Variants in ITSN1 observed in about 807,000 individuals in gnomAD.
The protein encoded by ITSN1 is intersectin-1.
Under a neutral mutation model 239.8 loss-of-function variants are expected in ITSN1, and 58 were observed. The ratio of observed to expected loss-of-function variants is 0.24; its 90% CI spans 0.20 to 0.30. The LOEUF (loss-of-function observed/expected upper bound fraction) is 0.30, where lower values mean the gene tolerates loss of function less well. Ranked by LOEUF, ITSN1 falls within the 10% of genes least tolerant of loss-of-function variation. The pLI is 1.00. For synonymous variants in ITSN1, 780 were observed against 770.8 expected, an observed-to-expected ratio of 1.01 and a Z score of -0.20; for missense variants, 1,558 against 2,103.3, an observed-to-expected ratio of 0.74 and a Z score of 5.07.
At chr21:33,728,601 T>C (rs1323929536) in intron 4 of ITSN1, among the ~76,000 whole-genome samples, 1 of 152,164 alleles carries the variant, frequency 6.6e-6, no homozygotes, top group Non-Finnish European at 1.5e-5. Context: ...CCTCTTCCTA[T>C]AATTCAGTTG....
Position 33,773,163 on chromosome 21 carries a change from C to T in ITSN1, c.1305+840C>T, listed in dbSNP as rs1049042527. On this transcript the variant is annotated intron_variant, in intron 12 of 39. Coordinates refer to ENST00000381318, the MANE Select transcript of ITSN1 (RefSeq NM_003024.3). Reference sequence around the variant, plus strand: ...CTGGGATTACAGGTGCCCGCCACCACGCCCAGCTAATATTTTGTATTTTTA... The same window carrying T: ...CTGGGATTACAGGTGCCCGCCACCATGCCCAGCTAATATTTTGTATTTTTA... Among the ~76,000 whole-genome samples the T allele has an allele frequency of 2.6e-4, 39 of 151,952 alleles. 1 individual carries two copies. Among genetic ancestry groups the T allele is most frequent in the Admixed American group, 2.3e-3 (35 of 15,260 alleles).
At chr21:33,792,358 C>T (rs2071207840) in intron 16 of ITSN1, among the ~76,000 whole-genome samples, 1 of 152,242 alleles carries the variant, frequency 6.6e-6, no homozygotes, top group Admixed American at 6.5e-5. Flanking sequence ...GCGCCTGCCA[C>T]CATGCCCGGC....
chr21:33,803,674 T>C (rs190307642), intron 20 of ITSN1, among the ~76,000 whole-genome samples: 4 of 152,332 alleles, frequency 2.6e-5, no homozygotes, highest in African/African-American at 7.2e-5. Flanking sequence ...AGAAGGGGCT[T>C]TCGTGTTGAA....
At chr21:33,688,734 G>C (rs1390491993) in intron 1 of ITSN1, among the ~76,000 whole-genome samples, 1 of 152,112 alleles carries the variant, frequency 6.6e-6, no homozygotes, top group East Asian at 1.9e-4. Flanking sequence ...AAAGAGGAAA[G>C]ACAGAGGGAG....
intron 4 of ITSN1, among the ~76,000 whole-genome samples, chr21:33,727,362 G>A (rs1054622730): frequency 6.6e-6 from 1 of 152,060 alleles, no homozygotes; most frequent in Non-Finnish European, 1.5e-5. Flanking sequence ...TGGAATCTGA[G>A]ACGGAGGGCC....
At chr21:33,706,398 T>G (rs746633145) in intron 1 of ITSN1, among the ~76,000 whole-genome samples, 7 of 151,906 alleles carry the variant, frequency 4.6e-5, no homozygotes, top group Non-Finnish European at 8.8e-5. Flanking sequence ...AAAATGAGAG[T>G]ATAGCTGTTA....
At chr21:33,859,754 G>A (rs1980104770) in intron 31 of ITSN1, among the ~76,000 whole-genome samples, 1 of 152,208 alleles carries the variant, frequency 6.6e-6, no homozygotes, top group African/African-American at 2.4e-5. Flanking sequence ...ATGGAGAGGA[G>A]GTGTGGAGAG....
chr21:33,694,724 CA>C (rs1225826975), intron 1 of ITSN1, among the ~76,000 whole-genome samples: 1 of 152,028 alleles, frequency 6.6e-6, no homozygotes, highest in Non-Finnish European at 1.5e-5. Context: ...GGGAGGCTGA[CA>C]GGAGAATTAC....
intron 22 of ITSN1, chr21:33,817,308 G>C (rs1417084772): frequency 7.7e-7 from 1 of 1,304,374 alleles, no homozygotes; most frequent in Admixed American, 2.3e-5. Context: ...CGGACCCCCT[G>C]CAGTGTTCCA....
intron 30 of ITSN1, 56 bp from the exon 31 acceptor site, chr21:33,858,630 G>GT: frequency 1.8e-6 from 2 of 1,099,056 alleles, no homozygotes; most frequent in Non-Finnish European, 2.8e-6. Context: ...CGGCGTGTGA[G>GT]TGTGTGAGTT....
rs112683689 is a variant in ITSN1 at position 33,879,479 on chromosome 21, C to T, written c.4342-2764C>T. 1.1e-4 allele frequency among the ~76,000 whole-genome samples: 17 copies of T among 152,218 alleles called. 2 individuals carry two copies. The highest frequency in any genetic ancestry group is 2.6e-4 in the African/African-American group (11 of 41,542). ...GCTGCAGGGCAGGCTGAGGCCCAGC[C>T]GAGGAAGGCCTGTGTATAATGCAAA... On this transcript the variant is annotated intron_variant, in intron 34 of 39. Transcript: ENST00000381318.
intron 22 of ITSN1, chr21:33,814,327 C>G: frequency 2.1e-6 from 1 of 467,674 alleles, no homozygotes; most frequent in Non-Finnish European, 3.9e-6. Flanking sequence ...GGCACTTGAG[C>G]TGCATCTTGA....
rs1422777904 is a variant in ITSN1 at position 33,882,413 on chromosome 21, C to A, written c.4512C>A (p.Val1504=). The change falls in exon 35 of 40, where the codon GTC becomes GTA. Residue 1504 remains valine (V), a synonymous_variant. Transcript: ENST00000381318. This position sits in a 1 kb window ranked among gnomAD's most constrained non-coding sequence, Gnocchi z 4.5. The part of the protein sequence containing the change: ...KPLGSSGTDK[V]FSPKSNLQYK... ...TGGGGTCTTCTGGCACCGACAAAGT[C>A]TTCAGCCCCAAATCAAACCTGCAGT... is the stretch of plus-strand genomic sequence containing the variant. 2 of 1,614,134 alleles carry A rather than the reference C, an allele frequency of 1.2e-6. No individual in the cohort carries two copies. The highest frequency in any genetic ancestry group is 3.3e-5 in the Admixed American group (2 of 60,020).
At chr21:33,725,764 C>T (rs1000036662) in intron 4 of ITSN1, among the ~76,000 whole-genome samples, 4 of 152,006 alleles carry the variant, frequency 2.6e-5, no homozygotes, top group Non-Finnish European at 4.4e-5. Flanking sequence ...TTTGTGATGG[C>T]GTATTTTACT....
intron 33 of ITSN1, among the ~76,000 whole-genome samples, chr21:33,867,772 G>C (rs1981883724): frequency 6.6e-6 from 1 of 151,710 alleles, no homozygotes; most frequent in Non-Finnish European, 1.5e-5. Flanking sequence ...TCTGGAGTTT[G>C]TTCCTTCTGA....
chr21:33,781,480 G>C lies in ITSN1; in HGVS notation c.1616G>C (p.Gly539Ala), dbSNP rs998543786. Reference protein sequence around the residue: ...QQLQESQQMLGRLIPEKQILN... With the variant: ...QQLQESQQMLARLIPEKQILN... ...TCCCAGGAATCTCAGCAAATGCTTG[G>C]AAGACTTATTCCAGAAAAACAGATA... The change falls in exon 15 of 40, where the codon GGA (glycine) becomes GCA (alanine). Residue 539 changes from glycine to alanine, a missense_variant. This residue lies in a region of ITSN1 where 982 missense variants were observed against 1,209.9 expected (regional missense o/e 0.81). Transcript: ENST00000381318. 6.3e-7 allele frequency: 1 copy of C among 1,595,348 alleles called. No individual in the cohort carries two copies. The highest frequency in any genetic ancestry group is 1.7e-5 in the Admixed American group (1 of 58,136).
intron 4 of ITSN1, among the ~76,000 whole-genome samples, chr21:33,727,895 TTC>T (rs1265369761): frequency 6.6e-6 from 1 of 152,100 alleles, no homozygotes; most frequent in Non-Finnish European, 1.5e-5. Flanking sequence ...GGGCCCACTG[TTC>T]GAGCATCTGG....
intron 29 of ITSN1, chr21:33,838,490 C>A: frequency 1.0e-6 from 1 of 977,572 alleles, no homozygotes; most frequent in Non-Finnish European, 1.2e-6. Flanking sequence ...ATTCTTCATA[C>A]AAAAGTTAGA....
intron 1 of ITSN1, among the ~76,000 whole-genome samples, chr21:33,711,649 G>GT (rs1408298361): frequency 1.0e-5 from 1 of 99,408 alleles, no homozygotes; most frequent in Non-Finnish European, 2.0e-5. Flanking sequence ...CTTTTTCTGT[G>GT]TGTTGTGTGT....
Sources: gnomAD v4.1 joint callset for allele counts (sites outside exome capture counted in the v4.1 genomes callset) on GRCh38, gnomAD v4.1.1 for gene constraint, gnomAD v4.1.1 regional missense constraint, Gnocchi (gnomAD v3.1) non-coding constraint, MANE v1.5 for transcripts, NCBI Gene and HGNC (gene_info 2026-07-23, HGNC 2026-07-21) for gene names.